The following NTRK1 variants were observed in gnomAD, a reference collection of about 807,000 sequenced individuals.
NTRK1 encodes the protein neurotrophic receptor tyrosine kinase 1, also known as high affinity nerve growth factor receptor.
Under a neutral mutation model 86.8 loss-of-function variants are expected in NTRK1, and 62 were observed. That is an observed-to-expected ratio of 0.71 (90% confidence interval 0.58 to 0.88). The LOEUF (loss-of-function observed/expected upper bound fraction) is 0.88, where lower values mean the gene tolerates loss of function less well. NTRK1 is among the 40% of genes least tolerant of loss of function. NTRK1 has a pLI of 0.00. For missense variants in NTRK1, 967 were observed against 1,078.4 expected (o/e 0.90, Z 1.45); for synonymous variants, 469 against 456.6 (o/e 1.03, Z -0.35).
At chr1:156,875,130 G>T in intron 11 of NTRK1, 122 bp downstream of exon 11, 2 of 777,636 alleles carry the variant, frequency 2.6e-6, no homozygotes. Flanking sequence ...GTGTGAGTGT[G>T]TTTGGGGTAT....
At chr1:156,872,924 G>A (rs1215719189) in intron 7 of NTRK1, among the ~76,000 whole-genome samples, 4 of 151,814 alleles carry the variant, frequency 2.6e-5, no homozygotes, top group South Asian at 4.2e-4. Context: ...TGATCCGCCC[G>A]CCTCGGCCTC....
chr1:156,830,677 C>T (rs1001357430), intron 1 of NTRK1, among the ~76,000 whole-genome samples: 11 of 151,584 alleles, frequency 7.3e-5, no homozygotes, highest in Non-Finnish European at 2.9e-5. Flanking sequence ...GCCTCAACCT[C>T]CTGAGTAGCT....
At chr1:156,868,031 A>G in intron 4 of NTRK1, 73 bp from the exon 5 acceptor site, 1 of 1,574,788 alleles carries the variant, frequency 6.4e-7, no homozygotes, top group Non-Finnish European at 8.7e-7. Flanking sequence ...CTGCTGCCTA[A>G]CTGCTCCCTC....
intron 2 of NTRK1, chr1:156,844,303 G>C (rs146924588): frequency 1.3e-5 from 20 of 1,596,714 alleles, no homozygotes; most frequent in Non-Finnish European, 1.6e-5. Flanking sequence ...GGGCAGCAGA[G>C]GGTAGAGTCA....
intron 2 of NTRK1, among the ~76,000 whole-genome samples, chr1:156,850,275 G>C (rs1252599698): frequency 1.3e-5 from 2 of 152,012 alleles, no homozygotes; most frequent in South Asian, 2.1e-4. Flanking sequence ...GTAGTGGCAC[G>C]ATCTCAGCTC....
At chr1:156,831,690 A>T (rs1306543882) in intron 1 of NTRK1, among the ~76,000 whole-genome samples, 2 of 152,184 alleles carry the variant, frequency 1.3e-5, no homozygotes, top group Non-Finnish European at 2.9e-5. Context: ...AGAGAACCCA[A>T]GGAGGCTCCA....
At chr1:156,868,022 T>G (rs1571689392) in intron 4 of NTRK1, 82 bp from the exon 5 acceptor site, 14 of 1,520,242 alleles carry the variant, frequency 9.2e-6, no homozygotes, top group Middle Eastern at 1.7e-4. Context: ...CGGTCCTCCC[T>G]GCTGCCTAAC....
intron 2 of NTRK1, among the ~76,000 whole-genome samples, chr1:156,842,710 C>T (rs1185890093): frequency 6.6e-6 from 1 of 152,164 alleles, no homozygotes; most frequent in East Asian, 1.9e-4. Flanking sequence ...ATCACAGTCA[C>T]GAACTTGGTC....
intron 4 of NTRK1, among the ~76,000 whole-genome samples, chr1:156,867,709 C>T (rs973548070): frequency 2.5e-4 from 38 of 151,680 alleles, no homozygotes; most frequent in African/African-American, 8.7e-4. Flanking sequence ...CGCTCTGTCA[C>T]CCAGGCTGGA....
intron 10 of NTRK1, 131 bp downstream of exon 10, chr1:156,874,757 C>A: frequency 8.4e-7 from 1 of 1,187,540 alleles, no homozygotes; most frequent in Non-Finnish European, 1.2e-6. Context: ...GCCACCCGCA[C>A]AGCCACTGCA....
chr1:156,823,236 A>C lies in NTRK1; in HGVS notation c.-64+7398A>C, dbSNP rs184322710. Among the ~76,000 whole-genome samples the C allele has an allele frequency of 3.9e-5, 6 of 152,374 alleles. No individual in the cohort carries two copies. The East Asian group carries it at 5.8e-4, about 15-fold the overall frequency. The stretch of plus-strand genomic sequence containing the variant: ...ATATCCAGATCTGTGTATTCTGATC[A>C]GAGTGGACACAGTACAATATTGTGC... On this transcript the variant is annotated intron_variant, in intron 1 of 16. Transcript: ENST00000392302.
At chr1:156,880,410 C>G in intron 16 of NTRK1, 1 of 563,992 alleles carries the variant, frequency 1.8e-6, no homozygotes, top group Non-Finnish European at 3.2e-6. Flanking sequence ...GTGCTTTGTA[C>G]AAGGAGCCCA....
upstream of NTRK1, among the ~76,000 whole-genome samples, chr1:156,855,816 C>T (rs1011945958): frequency 2.6e-5 from 4 of 152,058 alleles, no homozygotes; most frequent in Non-Finnish European, 5.9e-5. Flanking sequence ...CAGAGTGAGA[C>T]CCTGTCTAAA....
intron 11 of NTRK1, 88 bp downstream of exon 11, chr1:156,875,096 C>A (rs2102912965): frequency 2.0e-6 from 2 of 994,832 alleles, no homozygotes; most frequent in Non-Finnish European, 3.2e-6. Context: ...CTCTGGGGGG[C>A]TGTGCACATG....
chr1:156,864,873 TC>T, intron 3 of NTRK1, 74 bp downstream of exon 3: 1 of 1,446,910 alleles, frequency 6.9e-7, no homozygotes, highest in Non-Finnish European at 9.6e-7. Context: ...GGCTTGGCTG[TC>T]CCCGGGGAAT....
rs373077572 is a variant in NTRK1 at position 156,853,982 on chromosome 1, C to T, written c.51-10372C>T. 103 of 1,613,454 alleles carry T rather than the reference C, an allele frequency of 6.4e-5. 1 individual carries two copies. The South Asian group carries it at 7.5e-4, about 12-fold the overall frequency. On this transcript the variant is annotated intron_variant, in intron 2 of 16. Coordinates refer to the NTRK1 transcript ENST00000392302. ...GTTCTTCTCCACACGCACAGCCCCA[C>T]GCAGCACGGCCCCAAGTGCAGGCAG...
Position 156,871,767 on chromosome 1 carries a change from T to G in NTRK1, c.850+12T>G. 1 of 1,614,098 alleles carries G rather than the reference T, an allele frequency of 6.2e-7. No individual in the cohort carries two copies. ...GGTCAACGTCTCCTGTGAGTCTCAG[T>G]GGCAGCTCCGGCACCCACCCCCTAC... On this transcript the variant is annotated intron_variant, in intron 7 of 16. Transcript: ENST00000524377.
chr1:156,838,027 C>T (rs755499519), intron 1 of NTRK1, among the ~76,000 whole-genome samples: 2 of 152,156 alleles, frequency 1.3e-5, no homozygotes, highest in Non-Finnish European at 2.9e-5. Context: ...GCTCCGTAGC[C>T]AGAGCCTAGA....
chr1:156,844,252 G>A, intron 2 of NTRK1: 1 of 1,613,844 alleles, frequency 6.2e-7, no homozygotes, highest in Non-Finnish European at 8.5e-7. Flanking sequence ...CAGTGAGGAG[G>A]ACATGCAGCC....
Sources: allele counts gnomAD v4.1 joint callset (sites outside exome capture counted in the v4.1 genomes callset), GRCh38; gene constraint gnomAD v4.1.1; transcripts MANE v1.5; gene names NCBI Gene and HGNC (gene_info 2026-07-23, HGNC 2026-07-21).